The following ZNF600 variants were observed in gnomAD, a reference collection of about 807,000 sequenced individuals.
ZNF600 encodes the protein zinc finger protein KR-ZNF1.
In ZNF600, 4 loss-of-function variants were observed where a neutral mutation model predicts 7.3. That is an observed-to-expected ratio of 0.55 (90% confidence interval 0.27 to 1.25). The LOEUF (loss-of-function observed/expected upper bound fraction) is 1.25. Among genes scored for constraint, ZNF600 ranks in the 50% most tolerant of loss-of-function variants. The probability of loss-of-function intolerance (pLI) is 0.12; values close to 1 mark genes in which losing one functional copy is unlikely to be tolerated. For missense variants in ZNF600, 911 were observed against 922.1 expected, an observed-to-expected ratio of 0.99 and a Z score of 0.16; for synonymous variants, 290 against 308.9, an observed-to-expected ratio of 0.94 and a Z score of 0.64.
At chr19:52,775,474 C>T (rs953013448) in intron 2 of ZNF600, among the ~76,000 whole-genome samples, 2 of 151,720 alleles carry the variant, frequency 1.3e-5, no homozygotes, top group Non-Finnish European at 2.9e-5. Flanking sequence ...CGCATGAATC[C>T]GAGAGGTGGA....
the ZNF600 span, chr19:52,808,069 G>C: frequency 6.2e-7 from 1 of 1,613,558 alleles, no homozygotes; most frequent in Non-Finnish European, 8.5e-7. Context: ...CCTCTGAGCA[G>C]GGTCCAGGCA....
the ZNF600 span, chr19:52,810,745 G>A: frequency 8.4e-6 from 5 of 591,916 alleles, no homozygotes; most frequent in South Asian, 4.5e-5. Flanking sequence ...AAAAAAAGAG[G>A]AAAGAAGGGG....
exon 4 of ZNF600, chr19:52,765,352 C>T (rs879339176): frequency 4.2e-5 from 32 of 753,482 alleles, no homozygotes; most frequent in Non-Finnish European, 6.7e-5. Context: ...GGTTTCTCTC[C>T]TGTATGAATT....
At chr19:52,827,532 G>T in the ZNF600 span, among the ~76,000 whole-genome samples, 5 of 151,802 alleles carry the variant, frequency 3.3e-5, no homozygotes, top group African/African-American at 1.2e-4. Flanking sequence ...ACCATGCCCA[G>T]TGCAGCCTCT....
At chr19:52,802,905 C>T in the ZNF600 span, among the ~76,000 whole-genome samples, 2 of 151,468 alleles carry the variant, frequency 1.3e-5, no homozygotes, top group East Asian at 2.0e-4. Flanking sequence ...GGACTACAGG[C>T]ACACACCGCC....
the ZNF600 span, among the ~76,000 whole-genome samples, chr19:52,815,378 A>G: frequency 6.9e-6 from 1 of 144,952 alleles, no homozygotes; most frequent in Admixed American, 7.0e-5. Flanking sequence ...TTAGCCAGGT[A>G]TAGTGGCAAG....
chr19:52,820,690 G>A, the ZNF600 span, among the ~76,000 whole-genome samples: 1 of 152,012 alleles, frequency 6.6e-6, no homozygotes, highest in African/African-American at 2.4e-5. Flanking sequence ...CCACATTTCT[G>A]CCCCTCTCCC....
At chr19:52,829,005 C>A in the ZNF600 span, among the ~76,000 whole-genome samples, 1 of 152,030 alleles carries the variant, frequency 6.6e-6, no homozygotes, top group Non-Finnish European at 1.5e-5. Flanking sequence ...GGAACACAGG[C>A]GCCTGCCACC....
chr19:52,811,859 C>T, the ZNF600 span, among the ~76,000 whole-genome samples: 28 of 141,842 alleles, frequency 2.0e-4, no homozygotes, highest in Admixed American at 1.4e-4. Flanking sequence ...CCCCTCTGCC[C>T]GGCCAGCCGC....
chr19:52,785,533 C>T (rs1458723394), intron 1 of ZNF600, among the ~76,000 whole-genome samples: 1 of 152,098 alleles, frequency 6.6e-6, no homozygotes, highest in Non-Finnish European at 1.5e-5. Flanking sequence ...ACAGGCATGA[C>T]CCACAGCGCC....
At chr19:52,815,668 C>G in the ZNF600 span, among the ~76,000 whole-genome samples, 15 of 145,758 alleles carry the variant, frequency 1.0e-4, 2 homozygotes, top group South Asian at 2.8e-3. Context: ...ACTAAAAATA[C>G]AAAAAAATTA....
chr19:52,798,608 T>G, the ZNF600 span: 1 of 447,172 alleles, frequency 2.2e-6, no homozygotes. Context: ...ACTTGTGAGT[T>G]TCTCTCCTGT....
chr19:52,765,927 T>C (rs1433045415), exon 4 of ZNF600: 2 of 1,614,194 alleles, frequency 1.2e-6, no homozygotes, highest in South Asian at 2.2e-5. Flanking sequence ...ATTACACTTG[T>C]AAGGTTTCTC....
intron 3 of ZNF600, 57 bp downstream of exon 5, chr19:52,774,518 A>G (rs2062656968): frequency 4.1e-6 from 4 of 984,288 alleles, no homozygotes; most frequent in Non-Finnish European, 3.6e-6. Context: ...AAAACCAGGA[A>G]GGGCCAAGAT....
intron 3 of ZNF600, among the ~76,000 whole-genome samples, chr19:52,772,557 T>C (rs2062638704): frequency 6.6e-6 from 1 of 152,162 alleles, no homozygotes; most frequent in African/African-American, 2.4e-5. Context: ...GAACTGAGAT[T>C]GTGCCATTGC....
the ZNF600 span, among the ~76,000 whole-genome samples, chr19:52,811,290 T>C: frequency 2.6e-5 from 4 of 151,236 alleles, no homozygotes; most frequent in Non-Finnish European, 4.4e-5. Flanking sequence ...AGAGCCGAGA[T>C]TGCAGCCTCT....
At chr19:52,818,570 G>A in the ZNF600 span, among the ~76,000 whole-genome samples, 6 of 152,132 alleles carry the variant, frequency 3.9e-5, no homozygotes, top group Admixed American at 3.3e-4. Flanking sequence ...AAAAGTAGCC[G>A]GGCTTGATGC....
At chr19:52,826,122 C>G in the ZNF600 span, among the ~76,000 whole-genome samples, 6 of 152,272 alleles carry the variant, frequency 3.9e-5, 1 homozygote, top group East Asian at 1.9e-4. Context: ...AAGGGGATGC[C>G]TAAGTGAACT....
At chr19:52,801,496 T>G in the ZNF600 span, 1 of 1,614,116 alleles carries the variant, frequency 6.2e-7, no homozygotes, top group Non-Finnish European at 8.5e-7. Flanking sequence ...GTCAACTCTT[T>G]GATTTCTGTC....
Sources: gnomAD v4.1 joint callset for allele counts (sites outside exome capture counted in the v4.1 genomes callset) on GRCh38, gnomAD v4.1.1 for gene constraint, MANE v1.5 for transcripts, NCBI Gene and HGNC (gene_info 2026-07-23, HGNC 2026-07-21) for gene names.